PLEKHM3: variants seen among roughly 807,000 people sequenced by gnomAD.
PLEKHM3 encodes pleckstrin homology domain containing M3.
In PLEKHM3, 45 loss-of-function variants were observed where a neutral mutation model predicts 81.8. The observed-to-expected ratio is 0.55, with a 90% CI of 0.43 to 0.71. The LOEUF (loss-of-function observed/expected upper bound fraction) is 0.71, where lower values mean the gene tolerates loss of function less well. PLEKHM3 is among the 30% of genes least tolerant of loss of function. The probability of loss-of-function intolerance (pLI) is 0.00; values close to 1 mark genes in which losing one functional copy is unlikely to be tolerated. For synonymous variants in PLEKHM3, 352 were observed against 356.4 expected, an observed-to-expected ratio of 0.99 and a Z score of 0.14; for missense variants, 788 against 924.3, an observed-to-expected ratio of 0.85 and a Z score of 1.91.
rs1465677620 is a variant in PLEKHM3 at position 207,822,962 on chromosome 2, A to C, written c.*5357T>G. On this transcript the variant is annotated 3_prime_UTR_variant, in exon 8 of 8. Transcript: ENST00000427836. ...GGGCTGGGGCTCAGAACTAGGGGCA[A>C]GGAAGATCCAGGGAAAAGAGAGAGG... is the stretch of plus-strand genomic sequence containing the variant. The C allele has an allele frequency of 6.6e-6, 1 of 152,370 alleles. No individual in the cohort carries two copies. The highest frequency in any genetic ancestry group is 1.5e-5 in the Non-Finnish European group (1 of 68,170). 9.4% of individuals were successfully genotyped at this position (152,370 alleles called of 1,614,324 possible).
rs1574481952 is a variant in PLEKHM3 at position 208,001,216 on chromosome 2, T to C, written c.424A>G (p.Thr142Ala). The change falls in exon 2 of 8, where the codon ACT becomes GCT. Residue 142 changes from threonine to alanine, a missense_variant. Thr to Ala is a moderately conservative substitution (Grantham distance 58). Transcript: ENST00000427836. ...SVNDLLDETS[T>A]FKPGHARSRS... is the part of the protein sequence containing the mutation. Reference sequence around the variant, plus strand: ...GATCGAGCATGCCCTGGCTTGAAAGTTGAGGTCTCATCCAGTAAGTCATTT... The same window carrying C: ...GATCGAGCATGCCCTGGCTTGAAAGCTGAGGTCTCATCCAGTAAGTCATTT... 3 of 1,614,156 alleles carry C rather than the reference T, an allele frequency of 1.9e-6. No individual in the cohort carries two copies. Among genetic ancestry groups the C allele is most frequent in the East Asian group, 4.5e-5 (2 of 44,882 alleles).
At position 208,025,431 on chromosome 2, in the gene PLEKHM3, A is replaced by G. The variant is rs1050372563; in HGVS notation, c.-361T>C. The G allele has an allele frequency of 6.6e-6, 1 of 152,250 alleles. No homozygotes were observed. The highest frequency in any genetic ancestry group is 1.5e-5 in the Non-Finnish European group (1 of 68,102). 9.4% of individuals were successfully genotyped at this position (152,250 alleles called of 1,614,324 possible). ...CTCTCCATTCACCTGCGGGGCCTTC[A>G]GTCCGCTCCTGGAGGGGCTTGACTC... On this transcript the variant is annotated 5_prime_UTR_variant, in exon 1 of 8. Transcript: ENST00000427836.
At chr2:207,926,027 C>T (rs938650896) in intron 5 of PLEKHM3, among the ~76,000 whole-genome samples, 17 of 151,908 alleles carry the variant, frequency 1.1e-4, no homozygotes, top group Admixed American at 5.3e-4. Context: ...GTTAAAACCT[C>T]GAATGCCTAG....
chr2:207,956,318 A>C (rs950899897), intron 3 of PLEKHM3, among the ~76,000 whole-genome samples: 1 of 151,784 alleles, frequency 6.6e-6, no homozygotes, highest in Non-Finnish European at 1.5e-5. Context: ...TACACACAAA[A>C]AAAAATTAGC....
intron 6 of PLEKHM3, among the ~76,000 whole-genome samples, chr2:207,873,531 G>A (rs931621473): frequency 5.3e-5 from 8 of 152,286 alleles, no homozygotes; most frequent in East Asian, 1.9e-4. Context: ...GAATATCTGC[G>A]GAGCTAGATA....
At chr2:207,910,076 G>C (rs1317109651) in intron 5 of PLEKHM3, among the ~76,000 whole-genome samples, 1 of 152,202 alleles carries the variant, frequency 6.6e-6, no homozygotes, top group African/African-American at 2.4e-5. Flanking sequence ...GGAAAGCACT[G>C]TTTCACCCAC....
intron 3 of PLEKHM3, among the ~76,000 whole-genome samples, chr2:207,970,595 G>A (rs1269707564): frequency 6.6e-6 from 1 of 152,138 alleles, no homozygotes; most frequent in Non-Finnish European, 1.5e-5. Context: ...TATTACTGTA[G>A]CCTTAAGTTC....
intron 7 of PLEKHM3, among the ~76,000 whole-genome samples, chr2:207,836,516 C>A (rs1191854605): frequency 6.6e-6 from 1 of 152,098 alleles, no homozygotes; most frequent in African/African-American, 2.4e-5. Flanking sequence ...GAACCTGCTG[C>A]AAACTAGCAG....
chr2:207,946,978 T>G (rs910268463), intron 3 of PLEKHM3, among the ~76,000 whole-genome samples: 2 of 152,244 alleles, frequency 1.3e-5, no homozygotes, highest in Admixed American at 1.3e-4. Flanking sequence ...AGGTTAAGTA[T>G]CTTGTCTGAG....
chr2:207,944,127 T>G (rs1196089326), intron 4 of PLEKHM3, among the ~76,000 whole-genome samples: 1 of 152,074 alleles, frequency 6.6e-6, no homozygotes, highest in Non-Finnish European at 1.5e-5. Flanking sequence ...TAATGAATCT[T>G]AAGGAAGCCC....
intron 7 of PLEKHM3, among the ~76,000 whole-genome samples, chr2:207,837,659 A>G (rs1158342702): frequency 1.6e-5 from 2 of 123,680 alleles, no homozygotes; most frequent in Non-Finnish European, 3.2e-5. Context: ...TTTGAGATGG[A>G]GTCAGGCTGG....
chr2:207,876,751 A>C (rs1475915754), intron 6 of PLEKHM3, among the ~76,000 whole-genome samples: 1 of 152,222 alleles, frequency 6.6e-6, no homozygotes, highest in African/African-American at 2.4e-5. Flanking sequence ...GTTTTCTATT[A>C]GGAATTCACT....
intron 6 of PLEKHM3, among the ~76,000 whole-genome samples, chr2:207,882,483 G>A (rs1390214627): frequency 6.6e-6 from 1 of 151,902 alleles, no homozygotes; most frequent in Admixed American, 6.6e-5. Flanking sequence ...ATGGTCATGG[G>A]TGCCTGTAAT....
At chr2:207,912,487 G>A (rs1688839809) in intron 5 of PLEKHM3, among the ~76,000 whole-genome samples, 1 of 152,166 alleles carries the variant, frequency 6.6e-6, no homozygotes, top group African/African-American at 2.4e-5. Flanking sequence ...AAAGATGAAG[G>A]AACCCAGCTT....
At chr2:207,929,974 G>A in intron 5 of PLEKHM3, 1 of 691,380 alleles carries the variant, frequency 1.4e-6, no homozygotes, top group South Asian at 1.5e-5. Flanking sequence ...GGTATTTTTA[G>A]AGACTTATGA....
chr2:207,863,076 G>A (rs2105815169), intron 6 of PLEKHM3, among the ~76,000 whole-genome samples: 1 of 152,326 alleles, frequency 6.6e-6, no homozygotes, highest in Admixed American at 6.5e-5. Context: ...CGGGGAGAAA[G>A]ATCTCCTTCA....
rs1462456611 is a variant in PLEKHM3 at position 207,835,051 on chromosome 2, T to C, written c.2109-6555A>G. ...TGCCTTCCGGTTTCGAGTGATTCTC[T>C]TGCCTCAGCCTCCGAAGTAGCTGGG... On this transcript the variant is annotated intron_variant, in intron 7 of 7. Transcript: ENST00000427836. Among the ~76,000 whole-genome samples the C allele has an allele frequency of 4.6e-5, 7 of 151,232 alleles. No homozygotes were observed. The East Asian group carries it at 5.9e-4, about 13-fold the overall frequency.
At chr2:207,969,633 G>A (rs1293992629) in intron 3 of PLEKHM3, among the ~76,000 whole-genome samples, 1 of 152,208 alleles carries the variant, frequency 6.6e-6, no homozygotes, top group Non-Finnish European at 1.5e-5. Context: ...TAGGGATTTA[G>A]CTTCAGCTTA....
At chr2:207,855,471 T>C (rs1345615609) in intron 7 of PLEKHM3, among the ~76,000 whole-genome samples, 1 of 152,118 alleles carries the variant, frequency 6.6e-6, no homozygotes, top group Non-Finnish European at 1.5e-5. Context: ...AATAACTGTA[T>C]CCATACTTGG....
Sources: gnomAD v4.1 joint callset for allele counts (sites outside exome capture counted in the v4.1 genomes callset) on GRCh38, gnomAD v4.1.1 for gene constraint, MANE v1.5 for transcripts, NCBI Gene and HGNC (gene_info 2026-07-23, HGNC 2026-07-21) for gene names.